Variants in IL1RAPL1 observed in about 807,000 individuals in gnomAD.
IL1RAPL1 encodes interleukin 1 receptor accessory protein like 1.
In IL1RAPL1, 3 loss-of-function variants were observed where a neutral mutation model predicts 48.4. That is an observed-to-expected ratio of 0.06 (90% CI 0.03 to 0.16). The LOEUF (loss-of-function observed/expected upper bound fraction) is 0.16. IL1RAPL1 is among the 10% of genes least tolerant of loss of function. The pLI, the probability that IL1RAPL1 is intolerant of heterozygous loss-of-function variation, is 1.00. For synonymous variants in IL1RAPL1, 185 were observed against 187.7 expected, an observed-to-expected ratio of 0.99 and a Z score of 0.12; for missense variants, 349 against 530.6, an observed-to-expected ratio of 0.66 and a Z score of 3.36.
intron 5 of IL1RAPL1, among the ~76,000 whole-genome samples, chrX:29,550,789 G>A (rs1331091360): frequency 1.8e-5 from 2 of 112,033 alleles, no homozygotes; most frequent in East Asian, 5.6e-4. Context: ...AAAGTGCACA[G>A]ATTTTGTTTG....
At chrX:28,906,170 C>T (rs1923211636) in intron 2 of IL1RAPL1, among the ~76,000 whole-genome samples, 1 of 112,057 alleles carries the variant, frequency 8.9e-6, no homozygotes, top group Non-Finnish European at 1.9e-5. Flanking sequence ...CACTCATTAT[C>T]ACAAGAACAG....
At chrX:29,566,342 T>C (rs7880271) in intron 5 of IL1RAPL1, among the ~76,000 whole-genome samples, 7,043 of 111,667 alleles carry the variant, frequency 0.063, 566 homozygotes, top group African/African-American at 0.22. Flanking sequence ...GCACCTATAA[T>C]CCCAGTTATT....
intron 7 of IL1RAPL1, 98 bp downstream of exon 7, chrX:29,917,694 T>C (rs1163317740): frequency 1.2e-5 from 8 of 678,246 alleles, no homozygotes; most frequent in Non-Finnish European, 1.8e-5. Context: ...GTTTTACTAG[T>C]ATCATAATAA....
At chrX:29,687,933 G>A (rs180915695) in intron 6 of IL1RAPL1, among the ~76,000 whole-genome samples, 1 of 111,718 alleles carries the variant, frequency 9.0e-6, no homozygotes, top group East Asian at 2.8e-4. Flanking sequence ...GGCTGTTAGT[G>A]CCAAGAAAGG....
At chrX:29,416,516 G>A (rs1330049140) in intron 5 of IL1RAPL1, among the ~76,000 whole-genome samples, 3 of 110,860 alleles carry the variant, frequency 2.7e-5, no homozygotes, top group Admixed American at 9.7e-5. Flanking sequence ...CAGCCTGGGC[G>A]ACAGAGTTAG....
At chrX:28,888,991 G>A (rs1922709658) in intron 2 of IL1RAPL1, among the ~76,000 whole-genome samples, 1 of 111,086 alleles carries the variant, frequency 9.0e-6, no homozygotes, top group Non-Finnish European at 1.9e-5. Context: ...TGCAGGCAGA[G>A]TGCATTTTTA....
At chrX:28,954,468 G>A (rs1295125332) in intron 2 of IL1RAPL1, among the ~76,000 whole-genome samples, 1 of 109,218 alleles carries the variant, frequency 9.2e-6, no homozygotes, top group Non-Finnish European at 1.9e-5. Flanking sequence ...CTTTAGTTAG[G>A]TTATCATAAT....
chrX:29,654,871 A>G (rs1925628615), intron 5 of IL1RAPL1, among the ~76,000 whole-genome samples: 2 of 112,561 alleles, frequency 1.8e-5, no homozygotes, highest in African/African-American at 6.4e-5. Flanking sequence ...ATAAAATGTC[A>G]TTCTAAAGAA....
chrX:29,828,136 G>A (rs1274883510), intron 6 of IL1RAPL1, among the ~76,000 whole-genome samples: 1 of 111,875 alleles, frequency 8.9e-6, no homozygotes, highest in African/African-American at 3.3e-5. Flanking sequence ...GGAAGACATT[G>A]TAACTGGACA....
At chrX:29,619,280 T>C (rs1195996141) in intron 5 of IL1RAPL1, among the ~76,000 whole-genome samples, 6 of 111,847 alleles carry the variant, frequency 5.4e-5, no homozygotes, top group Admixed American at 2.9e-4. Flanking sequence ...CTAAATTTAG[T>C]ATATAATTAC....
intron 6 of IL1RAPL1, among the ~76,000 whole-genome samples, chrX:29,833,157 C>A (rs1295479513): frequency 1.8e-5 from 2 of 111,448 alleles, no homozygotes; most frequent in African/African-American, 3.3e-5. Context: ...TCCAACTTCA[C>A]AAATTCTTCC....
intron 6 of IL1RAPL1, among the ~76,000 whole-genome samples, chrX:29,805,249 A>G (rs768579827): frequency 4.5e-5 from 5 of 112,141 alleles, no homozygotes; most frequent in African/African-American, 1.3e-4. Context: ...GGACACATGT[A>G]CTTCTATTTC....
chrX:29,693,594 A>ACTC (rs1926831999), intron 6 of IL1RAPL1, among the ~76,000 whole-genome samples: 2 of 112,169 alleles, frequency 1.8e-5, no homozygotes, highest in African/African-American at 6.5e-5. Context: ...TTCATAGAGG[A>ACTC]TTTATGAGCT....
At chrX:29,724,537 A>G (rs1318927348) in intron 6 of IL1RAPL1, among the ~76,000 whole-genome samples, 1 of 112,095 alleles carries the variant, frequency 8.9e-6, no homozygotes, top group African/African-American at 3.2e-5. Context: ...AGATGTGAAT[A>G]AGAATATCTC....
At chrX:29,809,062 C>G (rs752591669) in intron 6 of IL1RAPL1, among the ~76,000 whole-genome samples, 267 of 106,732 alleles carry the variant, frequency 2.5e-3, no homozygotes, top group Non-Finnish European at 3.8e-3. Flanking sequence ...TGTAATCATG[C>G]CTACCATATT....
At chrX:28,821,929 G>A (rs987424548) in intron 2 of IL1RAPL1, among the ~76,000 whole-genome samples, 5 of 111,245 alleles carry the variant, frequency 4.5e-5, no homozygotes, top group African/African-American at 1.3e-4. Flanking sequence ...GGCTTTAAGC[G>A]TGGTTCATAG....
At chrX:29,548,491 G>A (rs1040398274) in intron 5 of IL1RAPL1, among the ~76,000 whole-genome samples, 2 of 111,634 alleles carry the variant, frequency 1.8e-5, no homozygotes, top group African/African-American at 6.5e-5. Context: ...ATAGCTTTTC[G>A]GTTTATGCAT....
At chrX:29,611,100 A>G (rs777961660) in intron 5 of IL1RAPL1, among the ~76,000 whole-genome samples, 2 of 112,488 alleles carry the variant, frequency 1.8e-5, no homozygotes, top group Non-Finnish European at 3.8e-5. Flanking sequence ...TTGCCCTGCA[A>G]AGTCTCTTGT....
chrX:29,146,501 A>T (rs7050896), intron 2 of IL1RAPL1, among the ~76,000 whole-genome samples: 32,315 of 110,809 alleles, frequency 0.29, 4,543 homozygotes, highest in African/African-American at 0.55. Context: ...CCCATTAGAA[A>T]GTAAACTCTA....
Sources: allele counts gnomAD v4.1 joint callset (sites outside exome capture counted in the v4.1 genomes callset), GRCh38; gene constraint gnomAD v4.1.1; transcripts MANE v1.5; gene names NCBI Gene and HGNC (gene_info 2026-07-23, HGNC 2026-07-21).